The following PCDHA7 variants were observed in gnomAD, a reference collection of about 807,000 sequenced individuals.
PCDHA7 encodes the protein protocadherin alpha 7, also known as protocadherin alpha-7.
A neutral mutation model predicts 57.2 loss-of-function variants in PCDHA7; 37 were observed. That is an observed-to-expected ratio of 0.65 (90% CI 0.50 to 0.85). PCDHA7 has a LOEUF of 0.85. PCDHA7 is among the 40% of genes least tolerant of loss of function. The pLI is 0.00. For missense variants in PCDHA7, 1,188 were observed against 1,241.8 expected (o/e 0.96, Z 0.65); for synonymous variants, 553 against 558.8 (o/e 0.99, Z 0.15).
chr5:140,930,231 A>G (rs1234850185), intron 1 of PCDHA7: 3 of 152,238 alleles, frequency 2.0e-5, no homozygotes, highest in Non-Finnish European at 4.4e-5. Context: ...TGCACTTACC[A>G]TCCAAAGTCC....
intron 1 of PCDHA7, chr5:140,870,533 C>T (rs1185177447): frequency 1.2e-6 from 2 of 1,614,050 alleles, no homozygotes; most frequent in East Asian, 2.2e-5. Flanking sequence ...TTCACAGTGT[C>T]GGCGCGGGAC....
In PCDHA7 at chr5:140,871,306, A is replaced by T. The variant is rs782244596; in HGVS notation, c.2355+34568A>T. The T allele has an allele frequency of 3.7e-6, 6 of 1,613,964 alleles. No homozygotes were observed. In the East Asian group the frequency reaches 1.3e-4, roughly 36 times the overall value. ...CACTGAGGGCGCGTGCGCGCCGGGG[A>T]AGCCCACGCTGGTGTGCTCCCGCGC... On this transcript the variant is annotated intron_variant, in intron 1 of 3. Transcript: ENST00000525929.
rs2150216105 is a variant in PCDHA7, at chr5:140,834,376, A to G, written c.-8A>G. ...TTGCTGACTAGAAAAACAAGCCAAT[A>G]ATTTGAAATGGTGTGCCCGAATGGA... On this transcript the variant is annotated 5_prime_UTR_variant, in exon 1 of 4. In the 5' UTR this introduces an upstream ATG that the reference lacks. Coordinates refer to ENST00000525929, the MANE Select transcript of PCDHA7 (RefSeq NM_018910.3). 1 of 1,561,296 alleles carries G rather than the reference A, an allele frequency of 6.4e-7. No homozygotes were observed. Among genetic ancestry groups the G allele is most frequent in the East Asian group, 2.3e-5 (1 of 44,388 alleles).
chr5:140,854,753 A>G (rs1305589005), intron 1 of PCDHA7: 1 of 149,806 alleles, frequency 6.7e-6, no homozygotes, highest in Non-Finnish European at 1.5e-5. Context: ...GATATATTAC[A>G]TTTTCATTCC....
chr5:140,993,408 A>G (rs985721464), intron 3 of PCDHA7, among the ~76,000 whole-genome samples: 1 of 150,930 alleles, frequency 6.6e-6, no homozygotes, highest in African/African-American at 2.4e-5. Flanking sequence ...AACCACCTTC[A>G]TCAGCATTTC....
Position 140,898,798 on chromosome 5 carries a change from G to A in PCDHA7, c.2355+62060G>A, listed in dbSNP as rs1441416892. On this transcript the variant is annotated intron_variant, in intron 1 of 3. Coordinates refer to ENST00000525929, the MANE Select transcript of PCDHA7 (RefSeq NM_018910.3). The stretch of plus-strand genomic sequence containing the variant: ...CCTTGGGCAGTATGGCCATTTTCAC[G>A]ATACTGATTCTTCCTACCCATGAGC... Among the ~76,000 whole-genome samples the A allele has an allele frequency of 2.6e-4, 39 of 152,120 alleles. 1 individual carries two copies. Among genetic ancestry groups the A allele is most frequent in the African/African-American group, 7.2e-5 (3 of 41,414 alleles).
chr5:140,976,814 A>G (rs1276394910), intron 1 of PCDHA7, among the ~76,000 whole-genome samples: 1 of 152,242 alleles, frequency 6.6e-6, no homozygotes, highest in East Asian at 1.9e-4. Flanking sequence ...GAAGATATGC[A>G]TGTGTCTAAT....
intron 1 of PCDHA7, among the ~76,000 whole-genome samples, chr5:140,965,085 C>T (rs1439379437): frequency 6.6e-6 from 1 of 152,142 alleles, no homozygotes; most frequent in African/African-American, 2.4e-5. Context: ...TGACTTTGTT[C>T]CAGTCCATAG....
intron 3 of PCDHA7, among the ~76,000 whole-genome samples, chr5:140,984,822 AC>A (rs1398539032): frequency 6.6e-6 from 1 of 152,126 alleles, no homozygotes; most frequent in Non-Finnish European, 1.5e-5. Flanking sequence ...TTTCTTAATT[AC>A]CCTTTCTGTA....
chr5:140,963,509 G>A, intron 1 of PCDHA7, among the ~76,000 whole-genome samples: 1 of 152,164 alleles, frequency 6.6e-6, no homozygotes, highest in Non-Finnish European at 1.5e-5. Flanking sequence ...CTCTTGAAGG[G>A]GTTCTCATAA....
intron 1 of PCDHA7, chr5:140,841,266 CAG>C (rs1777120353): frequency 6.6e-7 from 1 of 1,522,182 alleles, no homozygotes; most frequent in African/African-American, 1.4e-5. Flanking sequence ...TCTGAAAGTA[CAG>C]TCGTTCATCT....
chr5:140,941,251 CTTTCTCTT>C (rs1456097006), intron 1 of PCDHA7, among the ~76,000 whole-genome samples: 2 of 121,786 alleles, frequency 1.6e-5, no homozygotes, highest in Non-Finnish European at 3.5e-5. Context: ...TTCTTTCTTT[CTTTCTCTT>C]TCTTTCTTTC....
At chr5:140,851,067 G>A in intron 1 of PCDHA7, 4 of 1,367,668 alleles carry the variant, frequency 2.9e-6, no homozygotes, top group Non-Finnish European at 3.8e-6. Context: ...CTTCTAGTGA[G>A]AATTATAAAC....
intron 1 of PCDHA7, among the ~76,000 whole-genome samples, chr5:140,879,472 G>T (rs546855959): frequency 6.6e-6 from 1 of 152,318 alleles, no homozygotes; most frequent in South Asian, 2.1e-4. Context: ...GAATACCGTT[G>T]TGATTGGAAA....
chr5:140,871,699 C>A, intron 1 of PCDHA7: 1 of 891,286 alleles, frequency 1.1e-6, no homozygotes. Context: ...CTTCTTTAAC[C>A]AATAAATGTC....
chr5:140,910,958 C>G (rs571427431), intron 1 of PCDHA7, among the ~76,000 whole-genome samples: 2 of 152,220 alleles, frequency 1.3e-5, no homozygotes, highest in East Asian at 3.9e-4. Context: ...TCGAGTGTAG[C>G]ACACCTCCTC....
chr5:140,862,447 G>C, intron 1 of PCDHA7: 1 of 362,296 alleles, frequency 2.8e-6, no homozygotes, highest in Non-Finnish European at 5.5e-6. Flanking sequence ...GTACTCCACA[G>C]CGCCCTGGAC....
chr5:140,948,426 G>A (rs1301925814), intron 1 of PCDHA7, among the ~76,000 whole-genome samples: 1 of 151,446 alleles, frequency 6.6e-6, no homozygotes, highest in African/African-American at 2.4e-5. Flanking sequence ...TCTTCCTTCA[G>A]TGAAACATTC....
Position 140,967,283 on chromosome 5 carries a change from C to G in PCDHA7, c.2356-11666C>G, listed in dbSNP as rs782468433. The G allele has an allele frequency of 1.7e-5, 27 of 1,613,040 alleles. No homozygotes were observed. The Admixed American group carries it at 3.7e-4, about 22-fold the overall frequency. ...AGCGCGCTTTCACATAGAGAGTGCG[C>G]AGGACCCCGACGTGGGCGCCAACTC... On this transcript the variant is annotated intron_variant, in intron 1 of 3. Transcript: ENST00000525929.
Sources: allele counts gnomAD v4.1 joint callset (sites outside exome capture counted in the v4.1 genomes callset), GRCh38; gene constraint gnomAD v4.1.1; transcripts MANE v1.5; gene names NCBI Gene and HGNC (gene_info 2026-07-23, HGNC 2026-07-21).